Variants in PPIP5K2 observed in about 807,000 individuals in gnomAD.
The protein encoded by PPIP5K2 is inositol hexakisphosphate and diphosphoinositol-pentakisphosphate kinase 2.
PPIP5K2 carries 105 observed loss-of-function variants against 154.6 expected under a neutral mutation model. The observed-to-expected ratio is 0.68, with a 90% CI of 0.58 to 0.80. PPIP5K2 has a LOEUF of 0.80. Among genes scored for constraint, PPIP5K2 ranks in the 30% least tolerant of loss-of-function variants. The pLI, the probability that PPIP5K2 is intolerant of heterozygous loss-of-function variation, is 0.00. For missense variants in PPIP5K2, 992 were observed against 1,504.6 expected (o/e 0.66, Z 5.64); for synonymous variants, 480 against 490.3 (o/e 0.98, Z 0.28).
chr5:103,121,406 G>C (rs1264396120), intron 1 of PPIP5K2, among the ~76,000 whole-genome samples: 1 of 152,138 alleles, frequency 6.6e-6, no homozygotes, highest in Non-Finnish European at 1.5e-5. Context: ...TGGAGGCTTT[G>C]AACAGTCAAG....
At chr5:103,175,836 A>T (rs1202855461) in intron 21 of PPIP5K2, among the ~76,000 whole-genome samples, 1 of 152,104 alleles carries the variant, frequency 6.6e-6, no homozygotes, top group African/African-American at 2.4e-5. Flanking sequence ...CTAAAACAAA[A>T]ACTGAACAAC....
chr5:103,142,041 C>T (rs1310196893), intron 5 of PPIP5K2, among the ~76,000 whole-genome samples: 1 of 152,234 alleles, frequency 6.6e-6, no homozygotes, highest in Non-Finnish European at 1.5e-5. Context: ...TCGCACTCCT[C>T]AGCCCTTGGG....
intron 29 of PPIP5K2, among the ~76,000 whole-genome samples, chr5:103,193,170 C>T (rs768940501): frequency 1.9e-4 from 29 of 152,120 alleles, no homozygotes; most frequent in Middle Eastern, 3.4e-3. Context: ...GACTAAAATC[C>T]AGGTCTTCTA....
chr5:103,182,009 C>G (rs1307499569), intron 24 of PPIP5K2, among the ~76,000 whole-genome samples: 1 of 152,002 alleles, frequency 6.6e-6, no homozygotes, highest in Non-Finnish European at 1.5e-5. Flanking sequence ...ATTATTTGTT[C>G]TGTTATAACT....
chr5:103,137,419 C>T (rs1028283014), intron 4 of PPIP5K2, among the ~76,000 whole-genome samples: 3 of 152,134 alleles, frequency 2.0e-5, no homozygotes, highest in Admixed American at 6.5e-5. Flanking sequence ...GCCTCGGCCT[C>T]CCAAAGTGCT....
At chr5:103,184,636 C>T in intron 25 of PPIP5K2, 36 bp from the exon 26 acceptor site, 1 of 1,512,128 alleles carries the variant, frequency 6.6e-7, no homozygotes. Flanking sequence ...ATTTATTTTA[C>T]TCTTTTACTT....
intron 17 of PPIP5K2, among the ~76,000 whole-genome samples, chr5:103,165,297 C>T (rs918656129): frequency 6.6e-6 from 1 of 151,978 alleles, no homozygotes; most frequent in Non-Finnish European, 1.5e-5. Context: ...AAGTGCCAGT[C>T]CCCCTCACAG....
intron 5 of PPIP5K2, among the ~76,000 whole-genome samples, chr5:103,139,956 C>G (rs777417963): frequency 6.6e-6 from 1 of 152,134 alleles, no homozygotes; most frequent in Non-Finnish European, 1.5e-5. Context: ...TGAAAACTGG[C>G]TATGTGAAAA....
chr5:103,130,282 A>C (rs1193131122), intron 2 of PPIP5K2, among the ~76,000 whole-genome samples: 2 of 152,152 alleles, frequency 1.3e-5, no homozygotes, highest in African/African-American at 4.8e-5. Context: ...TAGGAATGAT[A>C]TATATTTATT....
At chr5:103,177,012 A>G (rs979464827) in intron 21 of PPIP5K2, 1 of 799,648 alleles carries the variant, frequency 1.3e-6, no homozygotes, top group Admixed American at 3.2e-5. Flanking sequence ...GCATACATGA[A>G]CTATATGATG....
chr5:103,145,789 A>G (rs1006476710), intron 5 of PPIP5K2, among the ~76,000 whole-genome samples: 13 of 152,052 alleles, frequency 8.5e-5, no homozygotes, highest in Non-Finnish European at 1.8e-4. Context: ...ACACAGATAG[A>G]ATAAATAAGA....
chr5:103,146,464 T>C, intron 5 of PPIP5K2, 63 bp from the exon 6 acceptor site: 3 of 1,482,512 alleles, frequency 2.0e-6, no homozygotes, highest in South Asian at 2.7e-5. Context: ...TCGATAATAA[T>C]GTGGTGTCCT....
chr5:103,142,351 C>T (rs1474026021), intron 5 of PPIP5K2, among the ~76,000 whole-genome samples: 12 of 152,192 alleles, frequency 7.9e-5, no homozygotes, highest in Non-Finnish European at 1.8e-4. Context: ...CCCAAGCCCA[C>T]GCCCACCCAG....
chr5:103,183,325 G>T lies in PPIP5K2; in HGVS notation c.3014G>T (p.Arg1005Ile). Residue 1005 changes from arginine (R) to isoleucine (I), a missense_variant, in exon 25 of 31, where the codon AGA becomes ATA. Arg to Ile is a moderately conservative substitution (Grantham distance 97). Around this residue, in one of 9 missense-constraint regions of PPIP5K2, gnomAD observed 204 missense variants for 224.0 expected, o/e 0.91. Coordinates refer to ENST00000358359, the MANE Select transcript of PPIP5K2 (RefSeq NM_001276277.3). ...GTGGGTACTGGGCGTCGAAGACGCAGATCAGGGGAACAAATCACTTCTTCC... is the reference window on the plus strand; with the variant it reads ...GTGGGTACTGGGCGTCGAAGACGCATATCAGGGGAACAAATCACTTCTTCC... ...SGVGTGRRRRRSGEQITSSPV... is the reference protein window; with the variant it reads ...SGVGTGRRRRISGEQITSSPV... The T allele has an allele frequency of 1.2e-6, 2 of 1,607,626 alleles. No homozygotes were observed. Among genetic ancestry groups the T allele is most frequent in the Non-Finnish European group, 1.7e-6 (2 of 1,177,874 alleles).
chr5:103,193,235 A>G (rs894550302), intron 29 of PPIP5K2, among the ~76,000 whole-genome samples: 5 of 152,126 alleles, frequency 3.3e-5, no homozygotes, highest in South Asian at 2.1e-4. Flanking sequence ...GGTGCCAGTT[A>G]TGATGAAAGT....
chr5:103,189,278 T>C (rs1189312957), intron 28 of PPIP5K2: 1 of 1,355,688 alleles, frequency 7.4e-7, no homozygotes, highest in Non-Finnish European at 1.0e-6. Flanking sequence ...TTTAAATTGC[T>C]GCGCTAACCC....
chr5:103,161,362 A>T (rs1350776884), intron 17 of PPIP5K2, among the ~76,000 whole-genome samples: 1 of 152,120 alleles, frequency 6.6e-6, no homozygotes, highest in Admixed American at 6.6e-5. Context: ...TCTATCATTG[A>T]TGGACATTTG....
rs781870250 is a variant in PPIP5K2 at position 103,133,663 on chromosome 5, G to C, written c.310+15G>C. The C allele has an allele frequency of 2.8e-5, 44 of 1,547,672 alleles. No individual in the cohort carries two copies. Among genetic ancestry groups the C allele is most frequent in the Admixed American group, 6.4e-5 (3 of 47,112 alleles). ...CCATTCTAAAGGTATTAAGGGGAGT[G>C]GGGGAGAAACTCCTTTATCCTCTCT... is the stretch of plus-strand genomic sequence containing the variant. On this transcript the variant is annotated intron_variant, in intron 3 of 30. Transcript: ENST00000358359.
chr5:103,175,601 G>T (rs1798589509), intron 21 of PPIP5K2, among the ~76,000 whole-genome samples: 1 of 152,090 alleles, frequency 6.6e-6, no homozygotes, highest in Admixed American at 6.6e-5. Flanking sequence ...AGATATGGTT[G>T]AAGAGCCAGT....
Sources: gnomAD v4.1 joint callset for allele counts (sites outside exome capture counted in the v4.1 genomes callset) on GRCh38, gnomAD v4.1.1 for gene constraint, gnomAD v4.1.1 regional missense constraint, MANE v1.5 for transcripts, NCBI Gene and HGNC (gene_info 2026-07-23, HGNC 2026-07-21) for gene names.